Variants in GBE1 observed in about 807,000 individuals in gnomAD.
The protein encoded by GBE1 is 1,4-alpha-glucan branching enzyme 1.
GBE1 carries 70 observed loss-of-function variants against 88.8 expected under a neutral mutation model. The ratio of observed to expected loss-of-function variants is 0.79; its 90% CI spans 0.65 to 0.96. The LOEUF is 0.96. Ranked by LOEUF, GBE1 falls within the 40% of genes least tolerant of loss-of-function variation. GBE1 has a pLI of 0.00. For missense variants in GBE1, 872 were observed against 871.0 expected, an observed-to-expected ratio of 1.00 and a Z score of -0.01; for synonymous variants, 284 against 300.1, an observed-to-expected ratio of 0.95 and a Z score of 0.56.
intron 14 of GBE1, chr3:81,509,783 A>T (rs1165210142): frequency 6.6e-6 from 1 of 152,018 alleles, no homozygotes. Flanking sequence ...GTTAACATGT[A>T]AGATCTGTAT....
intron 1 of GBE1, among the ~76,000 whole-genome samples, chr3:81,731,019 G>A (rs1706177958): frequency 6.6e-6 from 1 of 152,106 alleles, no homozygotes; most frequent in Admixed American, 6.5e-5. Flanking sequence ...CCTAAGTCAG[G>A]ATCCCAAACT....
chr3:81,697,123 G>A (rs765011012), intron 2 of GBE1, among the ~76,000 whole-genome samples: 2 of 152,072 alleles, frequency 1.3e-5, no homozygotes, highest in Non-Finnish European at 2.9e-5. Flanking sequence ...CTGGGCCTCC[G>A]GAACTTCAAG....
chr3:81,721,079 A>G (rs1453054791), intron 1 of GBE1, among the ~76,000 whole-genome samples: 1 of 99,168 alleles, frequency 1.0e-5, no homozygotes, highest in African/African-American at 4.4e-5. Flanking sequence ...GAGGGATAGC[A>G]TTGGGAGATA....
intron 1 of GBE1, among the ~76,000 whole-genome samples, chr3:81,741,158 T>A (rs977562951): frequency 3.9e-5 from 6 of 152,178 alleles, no homozygotes; most frequent in African/African-American, 7.2e-5. Flanking sequence ...TAAAAACATC[T>A]TTGATGCCAT....
At chr3:81,525,946 C>T (rs907429032) in intron 14 of GBE1, among the ~76,000 whole-genome samples, 19 of 151,902 alleles carry the variant, frequency 1.3e-4, no homozygotes, top group South Asian at 2.1e-4. Flanking sequence ...GTCTTCCTAG[C>T]GGTCTATCAA....
intron 2 of GBE1, among the ~76,000 whole-genome samples, chr3:81,676,605 C>A (rs1423482492): frequency 1.3e-5 from 2 of 151,242 alleles, no homozygotes; most frequent in African/African-American, 2.4e-5. Flanking sequence ...AGCTAATTTA[C>A]AATAATTAAT....
chr3:81,605,169 A>G (rs563681693), intron 7 of GBE1, among the ~76,000 whole-genome samples: 56 of 152,268 alleles, frequency 3.7e-4, no homozygotes, highest in African/African-American at 1.3e-3. Context: ...AAACATCAAT[A>G]TCCTTAAGGA....
At chr3:81,578,132 A>C (rs1431889262) in intron 11 of GBE1, 36 bp from the exon 12 acceptor site, 14 of 1,489,204 alleles carry the variant, frequency 9.4e-6, no homozygotes, top group Non-Finnish European at 1.3e-5. Flanking sequence ...AAATGAAAAA[A>C]AAAAGTGCTA....
chr3:81,497,638 C>A (rs916262862), intron 15 of GBE1, among the ~76,000 whole-genome samples: 1 of 152,078 alleles, frequency 6.6e-6, no homozygotes, highest in Non-Finnish European at 1.5e-5. Flanking sequence ...ATAACAGAAC[C>A]CTGTTGGGGT....
At chr3:81,592,654 G>A (rs542766189) in intron 8 of GBE1, among the ~76,000 whole-genome samples, 1 of 151,588 alleles carries the variant, frequency 6.6e-6, no homozygotes, top group South Asian at 2.1e-4. Context: ...CCATTTCTTG[G>A]ATTCTGTATC....
intron 12 of GBE1, among the ~76,000 whole-genome samples, chr3:81,563,284 T>C (rs1227955417): frequency 6.6e-6 from 1 of 152,132 alleles, no homozygotes; most frequent in Admixed American, 6.6e-5. Context: ...CAAGCATTAC[T>C]AATATAGCAA....
intron 2 of GBE1, among the ~76,000 whole-genome samples, chr3:81,702,435 C>A (rs1420437402): frequency 6.6e-6 from 1 of 151,916 alleles, no homozygotes; most frequent in Non-Finnish European, 1.5e-5. Context: ...AAAAAGACAT[C>A]CTTTCTTCTA....
intron 12 of GBE1, among the ~76,000 whole-genome samples, chr3:81,554,848 A>G (rs939667743): frequency 6.6e-6 from 1 of 152,106 alleles, no homozygotes; most frequent in African/African-American, 2.4e-5. Context: ...CTTCTGTATC[A>G]GAGCTCTAAC....
chr3:81,699,089 C>T (rs113595646), intron 2 of GBE1, among the ~76,000 whole-genome samples: 2,924 of 152,228 alleles, frequency 0.019, 47 homozygotes, highest in Middle Eastern at 0.054. Context: ...TTCGCTATCA[C>T]TTTGCCAAAA....
intron 15 of GBE1, 23 bp from the exon 16 acceptor site, chr3:81,490,486 G>A: frequency 6.3e-7 from 1 of 1,596,944 alleles, no homozygotes; most frequent in Non-Finnish European, 8.6e-7. Flanking sequence ...AATTATGTCA[G>A]TGCAATTGAA....
chr3:81,567,440 C>T (rs956474781), intron 12 of GBE1, among the ~76,000 whole-genome samples: 1 of 152,114 alleles, frequency 6.6e-6, no homozygotes, highest in African/African-American at 2.4e-5. Flanking sequence ...TTGAGAAATA[C>T]CAATTTTATT....
intron 1 of GBE1, among the ~76,000 whole-genome samples, chr3:81,742,412 T>C (rs1706361917): frequency 6.6e-6 from 1 of 152,108 alleles, no homozygotes; most frequent in Non-Finnish European, 1.5e-5. Context: ...GGATGGTTTA[T>C]GACATAAATA....
chr3:81,671,367 T>C (rs1051799948), intron 2 of GBE1, among the ~76,000 whole-genome samples: 19 of 152,130 alleles, frequency 1.2e-4, no homozygotes, highest in Non-Finnish European at 2.5e-4. Context: ...TAACATTTAC[T>C]GAATTTCATA....
intron 3 of GBE1, among the ~76,000 whole-genome samples, chr3:81,656,702 T>G (rs961613011): frequency 6.6e-6 from 1 of 152,140 alleles, no homozygotes; most frequent in Non-Finnish European, 1.5e-5. Context: ...AATAATACAT[T>G]TGTCTTGTGT....
Sources: allele counts gnomAD v4.1 joint callset (sites outside exome capture counted in the v4.1 genomes callset), GRCh38; gene constraint gnomAD v4.1.1; transcripts MANE v1.5; gene names NCBI Gene and HGNC (gene_info 2026-07-23, HGNC 2026-07-21).